SH3GL2: variants seen among roughly 807,000 people sequenced by gnomAD.
SH3GL2 encodes the protein endophilin-A1.
SH3GL2 carries 24 observed loss-of-function variants against 46.0 expected under a neutral mutation model. The observed-to-expected ratio is 0.52, with a 90% CI of 0.38 to 0.73. The LOEUF is 0.73. Ranked by LOEUF, SH3GL2 falls within the 30% of genes least tolerant of loss-of-function variation. The pLI, the probability that SH3GL2 is intolerant of heterozygous loss-of-function variation, is 0.00. For missense variants in SH3GL2, 413 were observed against 424.2 expected (o/e 0.97, Z 0.23); for synonymous variants, 196 against 147.1 (o/e 1.33, Z -2.40).
intron 1 of SH3GL2, among the ~76,000 whole-genome samples, chr9:17,611,219 A>G (rs181675235): frequency 1.3e-5 from 2 of 152,332 alleles, no homozygotes; most frequent in Non-Finnish European, 2.9e-5. Flanking sequence ...CTATAGGGAA[A>G]TATACAGGTT....
At chr9:17,652,776 A>C (rs367894144) in intron 1 of SH3GL2, among the ~76,000 whole-genome samples, 1 of 152,192 alleles carries the variant, frequency 6.6e-6, no homozygotes, top group African/African-American at 2.4e-5. Flanking sequence ...TAAATTTTCT[A>C]TCAGTTGCTA....
intron 1 of SH3GL2, among the ~76,000 whole-genome samples, chr9:17,645,775 C>A (rs1260344458): frequency 1.3e-5 from 2 of 152,102 alleles, no homozygotes; most frequent in Non-Finnish European, 2.9e-5. Flanking sequence ...TTGTGGGTAA[C>A]CTGACCTTTC....
chr9:17,710,355 G>A (rs1821585837), intron 1 of SH3GL2, among the ~76,000 whole-genome samples: 1 of 151,898 alleles, frequency 6.6e-6, no homozygotes. Context: ...CCAGTCTTGG[G>A]TATGTCCTTA....
At chr9:17,635,043 G>A (rs905881447) in intron 1 of SH3GL2, among the ~76,000 whole-genome samples, 5 of 152,170 alleles carry the variant, frequency 3.3e-5, no homozygotes, top group Non-Finnish European at 5.9e-5. Flanking sequence ...GTAGGTAAAT[G>A]TGTGTCATGG....
At chr9:17,750,293 T>G (rs1298811832) in intron 2 of SH3GL2, among the ~76,000 whole-genome samples, 2 of 152,064 alleles carry the variant, frequency 1.3e-5, no homozygotes, top group Non-Finnish European at 2.9e-5. Flanking sequence ...GAGAGACCTT[T>G]GCTCATCTGT....
At chr9:17,684,764 A>C (rs1475156634) in intron 1 of SH3GL2, among the ~76,000 whole-genome samples, 2 of 152,154 alleles carry the variant, frequency 1.3e-5, no homozygotes, top group Non-Finnish European at 2.9e-5. Flanking sequence ...CAGACTTCTC[A>C]TCAGAATTAG....
At chr9:17,702,999 C>G (rs1821375726) in intron 1 of SH3GL2, among the ~76,000 whole-genome samples, 1 of 152,022 alleles carries the variant, frequency 6.6e-6, no homozygotes, top group Non-Finnish European at 1.5e-5. Context: ...TTTATCCTGC[C>G]TTAAAAATCG....
intron 5 of SH3GL2, among the ~76,000 whole-genome samples, chr9:17,788,395 G>T (rs984081865): frequency 3.9e-5 from 6 of 152,110 alleles, no homozygotes; most frequent in Non-Finnish European, 8.8e-5. Context: ...GGGGGATGCA[G>T]TGTGAGGGAA....
intron 2 of SH3GL2, among the ~76,000 whole-genome samples, chr9:17,749,285 A>G (rs1822779657): frequency 6.6e-6 from 1 of 152,042 alleles, no homozygotes. Context: ...GGCATCTGAG[A>G]CTCCAGGAAC....
At chr9:17,621,297 A>G (rs1231324037) in intron 1 of SH3GL2, among the ~76,000 whole-genome samples, 1 of 152,236 alleles carries the variant, frequency 6.6e-6, no homozygotes, top group African/African-American at 2.4e-5. Context: ...CTGAACTACA[A>G]TTTCCGAATC....
In SH3GL2 at chr9:17,796,026, T is replaced by A; in HGVS notation, c.*283T>A. 2.6e-6 allele frequency: 1 copy of A among 385,332 alleles called. No individual in the cohort carries two copies. The highest frequency in any genetic ancestry group is 4.7e-6 in the Non-Finnish European group (1 of 211,592). 23.9% of individuals were successfully genotyped at this position (385,332 alleles called of 1,614,324 possible). Reference sequence around the variant, plus strand: ...TACACAGTTCTCAGGAGGCTGTGGTTTCTTAGAATATGACCATGAGCCATT... The same window carrying A: ...TACACAGTTCTCAGGAGGCTGTGGTATCTTAGAATATGACCATGAGCCATT... On this transcript the variant is annotated 3_prime_UTR_variant, in exon 9 of 9. Coordinates refer to ENST00000380607, the MANE Select transcript of SH3GL2 (RefSeq NM_003026.5).
At chr9:17,644,101 A>G (rs1038792928) in intron 1 of SH3GL2, among the ~76,000 whole-genome samples, 1 of 151,812 alleles carries the variant, frequency 6.6e-6, no homozygotes, top group Non-Finnish European at 1.5e-5. Flanking sequence ...TTTCTTCTGG[A>G]TTTTCTAGTT....
intron 4 of SH3GL2, among the ~76,000 whole-genome samples, chr9:17,786,727 C>T (rs141417926): frequency 6.6e-6 from 1 of 152,036 alleles, no homozygotes; most frequent in Non-Finnish European, 1.5e-5. Context: ...TCTTCCCACC[C>T]CCCCCACTAT....
chr9:17,640,003 C>G (rs1588196750), intron 1 of SH3GL2, among the ~76,000 whole-genome samples: 1 of 151,984 alleles, frequency 6.6e-6, no homozygotes. Flanking sequence ...ACAGAAAGTA[C>G]CAGGAAACTT....
chr9:17,656,034 T>C (rs1370211603), intron 1 of SH3GL2, among the ~76,000 whole-genome samples: 3 of 152,186 alleles, frequency 2.0e-5, no homozygotes, highest in Non-Finnish European at 4.4e-5. Context: ...GAAATCATAT[T>C]TGGAGTGAAA....
chr9:17,737,761 A>G (rs2118468166), intron 1 of SH3GL2, among the ~76,000 whole-genome samples: 1 of 151,496 alleles, frequency 6.6e-6, no homozygotes, highest in South Asian at 2.1e-4. Flanking sequence ...TCCTTCCTTG[A>G]CTCAGCTGTA....
chr9:17,751,716 C>T (rs1345526510), intron 2 of SH3GL2, among the ~76,000 whole-genome samples: 1 of 152,094 alleles, frequency 6.6e-6, no homozygotes, highest in Non-Finnish European at 1.5e-5. Flanking sequence ...TTCCAGTGAT[C>T]TCTCTCAAAT....
chr9:17,610,629 G>T (rs768296227), intron 1 of SH3GL2, among the ~76,000 whole-genome samples: 1 of 152,148 alleles, frequency 6.6e-6, no homozygotes, highest in African/African-American at 2.4e-5. Flanking sequence ...ATCCCTGGCT[G>T]AATAGTGTTG....
At chr9:17,747,510 G>T (rs892329120) in intron 2 of SH3GL2, among the ~76,000 whole-genome samples, 1 of 152,074 alleles carries the variant, frequency 6.6e-6, no homozygotes, top group Non-Finnish European at 1.5e-5. Context: ...TCACTTTCTG[G>T]CTTTAAGGAC....
Sources: allele counts gnomAD v4.1 joint callset (sites outside exome capture counted in the v4.1 genomes callset), GRCh38; gene constraint gnomAD v4.1.1; transcripts MANE v1.5; gene names NCBI Gene and HGNC (gene_info 2026-07-23, HGNC 2026-07-21).